The following FRMD6 variants were observed in gnomAD, a reference collection of about 807,000 sequenced individuals.
The protein encoded by FRMD6 is FERM domain-containing protein 6.
FRMD6 carries 37 observed loss-of-function variants against 73.2 expected under a neutral mutation model. The observed-to-expected ratio is 0.51, with a 90% CI of 0.39 to 0.66. The LOEUF (loss-of-function observed/expected upper bound fraction) is 0.66, where lower values mean the gene tolerates loss of function less well. FRMD6 is among the 30% of genes least tolerant of loss of function. The pLI is 0.00. For synonymous variants in FRMD6, 273 were observed against 282.2 expected, an observed-to-expected ratio of 0.97 and a Z score of 0.33; for missense variants, 714 against 780.5, an observed-to-expected ratio of 0.91 and a Z score of 1.02.
At chr14:51,529,007 C>T (rs184087604) in intron 1 of FRMD6, among the ~76,000 whole-genome samples, 50 of 152,346 alleles carry the variant, frequency 3.3e-4, no homozygotes, top group African/African-American at 1.2e-3. Flanking sequence ...TATCTCCTCT[C>T]ACAGGCAGAC....
intron 1 of FRMD6, among the ~76,000 whole-genome samples, chr14:51,504,984 AT>A (rs1883868302): frequency 2.0e-5 from 3 of 152,178 alleles, no homozygotes; most frequent in African/African-American, 7.2e-5. Flanking sequence ...CTAGGCTTAC[AT>A]CTGGCCCTTG....
intron 1 of FRMD6, among the ~76,000 whole-genome samples, chr14:51,536,475 TG>T (rs1411314076): frequency 1.3e-5 from 2 of 151,964 alleles, no homozygotes. Flanking sequence ...TGGAGTGCAA[TG>T]GCATGATCTT....
the FRMD6 span, among the ~76,000 whole-genome samples, chr14:51,462,047 GGAAGGAAGGAAAGAAA>G: frequency 1.3e-5 from 2 of 151,410 alleles, no homozygotes; most frequent in African/African-American, 2.4e-5. Flanking sequence ...GAGGAAGAGA[GGAAGGAAGGAAAGAAA>G]GAAGGAAGCA....
chr14:51,538,312 T>C (rs903490446), intron 1 of FRMD6, among the ~76,000 whole-genome samples: 2 of 152,190 alleles, frequency 1.3e-5, no homozygotes, highest in Non-Finnish European at 2.9e-5. Flanking sequence ...TCACTTGACT[T>C]ATCTATGATA....
intron 1 of FRMD6, among the ~76,000 whole-genome samples, chr14:51,510,986 C>T (rs894769204): frequency 1.3e-5 from 2 of 152,014 alleles, no homozygotes; most frequent in African/African-American, 2.4e-5. Context: ...TTTCGCTCCC[C>T]GCCCCCGCCA....
intron 2 of FRMD6, among the ~76,000 whole-genome samples, chr14:51,580,609 C>T (rs374118765): frequency 6.6e-6 from 1 of 151,952 alleles, no homozygotes; most frequent in Non-Finnish European, 1.5e-5. Flanking sequence ...AAATAGGTAC[C>T]CTTTGATTTT....
the FRMD6 span, among the ~76,000 whole-genome samples, chr14:51,471,466 A>T: frequency 6.7e-6 from 1 of 150,182 alleles, no homozygotes; most frequent in African/African-American, 2.5e-5. Context: ...GCGCCACTGC[A>T]CTCCAGCCTG....
chr14:51,720,247 C>T lies in FRMD6; in HGVS notation c.1217C>T (p.Thr406Met), dbSNP rs142645142. The T allele has an allele frequency of 1.5e-3, 2,461 of 1,613,946 alleles. 6 individuals carry two copies. The highest frequency in any genetic ancestry group is 1.9e-3 in the Non-Finnish European group (2,248 of 1,179,952). Residue 406 changes from threonine (T) to methionine (M), a missense_variant, in exon 11 of 14, where the codon ACG becomes ATG. Coordinates refer to ENST00000344768, the MANE Select transcript of FRMD6 (RefSeq NM_001267046.2). ...GIEADTKPRD[T>M]GPEDSYSSSA... Reference sequence around the variant, plus strand: ...GAGGCAGACACCAAGCCCCGGGACACGGGGCCAGAAGACAGCTACTCCAGC... The same window carrying T: ...GAGGCAGACACCAAGCCCCGGGACATGGGGCCAGAAGACAGCTACTCCAGC...
chr14:51,688,973 A>G (rs2140352665), intron 1 of FRMD6, among the ~76,000 whole-genome samples: 1 of 152,256 alleles, frequency 6.6e-6, no homozygotes, highest in Admixed American at 6.5e-5. Context: ...GGCATCCAAA[A>G]TCCATTTTTT....
At chr14:51,442,464 C>G in the FRMD6 span, among the ~76,000 whole-genome samples, 2 of 152,264 alleles carry the variant, frequency 1.3e-5, no homozygotes, top group East Asian at 3.9e-4. Flanking sequence ...ATTAGACCTC[C>G]AGAGGGAAGG....
intron 2 of FRMD6, chr14:51,575,528 G>T (rs1252640240): frequency 6.6e-6 from 1 of 152,240 alleles, no homozygotes; most frequent in Non-Finnish European, 1.5e-5. Context: ...AGTGTCAGAG[G>T]AGTGTGTGTG....
At chr14:51,519,086 C>T (rs952454478) in intron 1 of FRMD6, among the ~76,000 whole-genome samples, 3 of 152,116 alleles carry the variant, frequency 2.0e-5, no homozygotes, top group Non-Finnish European at 4.4e-5. Flanking sequence ...ATACATGGGA[C>T]CCTAGATAGT....
intron 1 of FRMD6, chr14:51,522,873 TCAG>T (rs1187259196): frequency 1.3e-5 from 2 of 152,218 alleles, no homozygotes; most frequent in Non-Finnish European, 2.9e-5. Context: ...AGCACTTACT[TCAG>T]CAGCCTGTGT....
At chr14:51,431,623 G>T in the FRMD6 span, among the ~76,000 whole-genome samples, 3 of 152,148 alleles carry the variant, frequency 2.0e-5, no homozygotes, top group Non-Finnish European at 2.9e-5. Flanking sequence ...CATAGATTTA[G>T]GTATACAGAA....
chr14:51,580,810 C>A (rs1177101504), intron 2 of FRMD6, among the ~76,000 whole-genome samples: 1 of 152,160 alleles, frequency 6.6e-6, no homozygotes, highest in Middle Eastern at 3.2e-3. Flanking sequence ...AAATGTATTT[C>A]ATTACAAATA....
At chr14:51,571,144 C>A (rs1441028023) in intron 2 of FRMD6, among the ~76,000 whole-genome samples, 2 of 152,140 alleles carry the variant, frequency 1.3e-5, no homozygotes, top group Non-Finnish European at 2.9e-5. Flanking sequence ...GAGGCTGAGG[C>A]AAGAGGATTG....
At chr14:51,510,903 C>A (rs1041864352) in intron 1 of FRMD6, among the ~76,000 whole-genome samples, 2 of 152,166 alleles carry the variant, frequency 1.3e-5, no homozygotes, top group Non-Finnish European at 2.9e-5. Context: ...TTTTGGGATG[C>A]ATGCCCTGCT....
intron 2 of FRMD6, among the ~76,000 whole-genome samples, chr14:51,693,695 A>C (rs1009101889): frequency 8.5e-5 from 13 of 152,164 alleles, no homozygotes; most frequent in Non-Finnish European, 1.6e-4. Flanking sequence ...CTGTTTGTTC[A>C]TTTCATTAGT....
rs77067191 is a variant in FRMD6, at chr14:51,727,885, T to A, written c.1725T>A (p.His575Gln). 1 of 1,614,204 alleles carries A rather than the reference T, an allele frequency of 6.2e-7. No individual in the cohort carries two copies. Among genetic ancestry groups the A allele is most frequent in the East Asian group, 2.2e-5 (1 of 44,882 alleles). The change falls in exon 14 of 14, where the codon CAT (histidine) becomes CAA (glutamine). Residue 575 changes from histidine (H) to glutamine (Q), a missense_variant. By Grantham distance (24) the His-to-Gln change is conservative. Coordinates refer to ENST00000344768, the MANE Select transcript of FRMD6 (RefSeq NM_001267046.2). The stretch of plus-strand genomic sequence containing the variant: ...AGAGTTACACCTTTGGATGTGGCCA[T>A]GAACTGGATGAGGAAGGCCTCTATT... Reference protein sequence around the residue: ...TAQSYTFGCGHELDEEGLYCN... With the variant: ...TAQSYTFGCGQELDEEGLYCN...
Sources: allele counts gnomAD v4.1 joint callset (sites outside exome capture counted in the v4.1 genomes callset), GRCh38; gene constraint gnomAD v4.1.1; transcripts MANE v1.5; gene names NCBI Gene and HGNC (gene_info 2026-07-23, HGNC 2026-07-21).